The following ATF6 variants were observed in gnomAD, a reference collection of about 807,000 sequenced individuals.
ATF6 encodes cyclic AMP-dependent transcription factor ATF-6 alpha.
ATF6 carries 53 observed loss-of-function variants against 83.6 expected under a neutral mutation model. The observed-to-expected ratio is 0.63, with a 90% CI of 0.51 to 0.80. ATF6 has a LOEUF of 0.80. Ranked by LOEUF, ATF6 falls within the 30% of genes least tolerant of loss-of-function variation. The pLI, the probability that ATF6 is intolerant of heterozygous loss-of-function variation, is 0.00. For missense variants in ATF6, 744 were observed against 797.9 expected, an observed-to-expected ratio of 0.93 and a Z score of 0.81; for synonymous variants, 288 against 285.8, an observed-to-expected ratio of 1.01 and a Z score of -0.08.
chr1:161,826,094 T>C (rs918462798), intron 9 of ATF6, among the ~76,000 whole-genome samples: 1 of 152,200 alleles, frequency 6.6e-6, no homozygotes, highest in African/African-American at 2.4e-5. Context: ...GGCATATTCT[T>C]GAGGGAACAT....
At position 161,819,835 on chromosome 1, in the gene ATF6, C is replaced by T. The variant is rs3817085; in HGVS notation, c.1095+17C>T. On this transcript the variant is annotated intron_variant, in intron 8 of 15. Transcript: ENST00000367942. Reference sequence around the variant, plus strand: ...GTGTCAGAGGTAAGTGTTAGTAATACGGCTGAGTCGAGATGGGCTAAAGTA... The same window carrying T: ...GTGTCAGAGGTAAGTGTTAGTAATATGGCTGAGTCGAGATGGGCTAAAGTA... 66 of 1,587,884 alleles carry T rather than the reference C, an allele frequency of 4.2e-5. No homozygotes were observed. In the Admixed American group the frequency reaches 1.1e-3, roughly 26 times the overall value.
chr1:161,875,616 A>G lies in ATF6; in HGVS notation c.1719+12304A>G, dbSNP rs1477013662. On this transcript the variant is annotated intron_variant, in intron 14 of 15. Coordinates refer to ENST00000367942, the MANE Select transcript of ATF6 (RefSeq NM_007348.4). ...ATTTTATCATTGTCAAAAATATGTC[A>G]GTTTTCCTTGAAGTGGTAGATTCAC... Among the ~76,000 whole-genome samples the G allele has an allele frequency of 3.3e-5, 5 of 151,970 alleles. No homozygotes were observed. The East Asian group carries it at 9.6e-4, about 29-fold the overall frequency.
intron 3 of ATF6, among the ~76,000 whole-genome samples, chr1:161,783,461 A>G (rs1684681101): frequency 6.6e-6 from 1 of 152,114 alleles, no homozygotes; most frequent in Non-Finnish European, 1.5e-5. Flanking sequence ...TTATAGGATA[A>G]ATTAATAGTT....
In ATF6 at chr1:161,839,326, G is replaced by GT. The variant is rs535921639; in HGVS notation, c.1188-7121dup. ...TATAGTAGGGTAAATGGTTTTACAT[G>GT]TTGAAGGGTAGTTGTTGGGACTGTA... On this transcript the variant is annotated intron_variant, in intron 9 of 15. Transcript: ENST00000367942. Among the ~76,000 whole-genome samples the GT allele has an allele frequency of 1.7e-3, 265 of 152,230 alleles. 1 individual carries two copies. Among genetic ancestry groups the GT allele is most frequent in the Non-Finnish European group, 2.8e-3 (193 of 68,016 alleles).
intron 15 of ATF6, among the ~76,000 whole-genome samples, chr1:161,915,917 C>T (rs944827948): frequency 2.0e-5 from 3 of 152,182 alleles, no homozygotes; most frequent in Admixed American, 6.5e-5. Flanking sequence ...GCCACTGCAC[C>T]CAGCCCAAAA....
chr1:161,893,965 A>G (rs1687615074), intron 14 of ATF6, among the ~76,000 whole-genome samples: 1 of 152,154 alleles, frequency 6.6e-6, no homozygotes, highest in African/African-American at 2.4e-5. Flanking sequence ...GATTTCTGGT[A>G]TATGCATTTT....
Position 161,863,167 on chromosome 1 carries a change from T to G in ATF6, c.1605-31T>G, listed in dbSNP as rs572835094. 15 of 1,306,088 alleles carry G rather than the reference T, an allele frequency of 1.1e-5. No individual in the cohort carries two copies. The South Asian group carries it at 1.5e-4, about 13-fold the overall frequency. 80.9% of individuals were successfully genotyped at this position (1,306,088 alleles called of 1,614,324 possible). The stretch of plus-strand genomic sequence containing the variant: ...TTGGGAAAACAGGAAACTTTTTATT[T>G]TAGTAATACCTTATATTTTTCTTAC... On this transcript the variant is annotated intron_variant, in intron 13 of 15. Coordinates refer to ENST00000367942, the MANE Select transcript of ATF6 (RefSeq NM_007348.4).
intron 1 of ATF6, among the ~76,000 whole-genome samples, chr1:161,768,526 G>A (rs1425434774): frequency 6.6e-6 from 1 of 152,162 alleles, no homozygotes; most frequent in Non-Finnish European, 1.5e-5. Flanking sequence ...TGTTTTGGAT[G>A]TTCAAGTACT....
intron 9 of ATF6, among the ~76,000 whole-genome samples, chr1:161,834,725 T>G (rs527520389): frequency 1.3e-5 from 2 of 151,974 alleles, no homozygotes; most frequent in Admixed American, 1.3e-4. Flanking sequence ...TGTATACATA[T>G]GTAACAAACC....
At chr1:161,811,967 C>T (rs139320373) in intron 7 of ATF6, among the ~76,000 whole-genome samples, 2 of 152,110 alleles carry the variant, frequency 1.3e-5, no homozygotes, top group African/African-American at 4.8e-5. Flanking sequence ...TTCTGTCAGT[C>T]GACCAAATAT....
At chr1:161,858,799 T>C (rs983999023) in intron 12 of ATF6, among the ~76,000 whole-genome samples, 1 of 152,186 alleles carries the variant, frequency 6.6e-6, no homozygotes, top group African/African-American at 2.4e-5. Context: ...CTTAGTTAAT[T>C]GGTATAAATC....
intron 14 of ATF6, among the ~76,000 whole-genome samples, chr1:161,895,883 T>C (rs1265748517): frequency 6.6e-6 from 1 of 152,216 alleles, no homozygotes; most frequent in Non-Finnish European, 1.5e-5. Flanking sequence ...ACTTCCTCTG[T>C]CAGCACTTAA....
intron 15 of ATF6, among the ~76,000 whole-genome samples, chr1:161,942,363 G>C (rs769272200): frequency 9.2e-5 from 14 of 152,184 alleles, no homozygotes; most frequent in Non-Finnish European, 2.1e-4. Flanking sequence ...GATTCCTAGG[G>C]CTCTTTTCCT....
chr1:161,892,929 C>T (rs551184126), intron 14 of ATF6, among the ~76,000 whole-genome samples: 37 of 152,144 alleles, frequency 2.4e-4, no homozygotes, highest in Non-Finnish European at 4.1e-4. Flanking sequence ...TGAGCCACCG[C>T]GCCTGGCGGG....
intron 4 of ATF6, 134 bp from the exon 5 acceptor site, chr1:161,791,274 T>C (rs1684874008): frequency 1.7e-6 from 1 of 580,022 alleles, no homozygotes; most frequent in Non-Finnish European, 2.8e-6. Flanking sequence ...AATATATATA[T>C]ACAGTTTCTA....
At chr1:161,769,710 G>A (rs1297100362) in intron 1 of ATF6, among the ~76,000 whole-genome samples, 1 of 152,014 alleles carries the variant, frequency 6.6e-6, no homozygotes, top group African/African-American at 2.4e-5. Context: ...TGGGGGTGAT[G>A]GGAGACAGTG....
At chr1:161,903,415 A>G (rs894417639) in intron 14 of ATF6, among the ~76,000 whole-genome samples, 4 of 152,212 alleles carry the variant, frequency 2.6e-5, no homozygotes, top group African/African-American at 7.2e-5. Flanking sequence ...TTTCATTTCT[A>G]GGCTAAAGAG....
intron 14 of ATF6, among the ~76,000 whole-genome samples, chr1:161,884,990 G>A (rs957659337): frequency 3.3e-5 from 5 of 152,100 alleles, no homozygotes; most frequent in African/African-American, 4.8e-5. Flanking sequence ...ATTTATAAAT[G>A]GAGGTGTCTA....
chr1:161,933,568 T>TA (rs1688477074), intron 15 of ATF6, among the ~76,000 whole-genome samples: 1 of 152,244 alleles, frequency 6.6e-6, no homozygotes, highest in Non-Finnish European at 1.5e-5. Context: ...TGCAAAAGAA[T>TA]ATTTTTTCTC....
Sources: allele counts gnomAD v4.1 joint callset (sites outside exome capture counted in the v4.1 genomes callset), GRCh38; gene constraint gnomAD v4.1.1; transcripts MANE v1.5; gene names NCBI Gene and HGNC (gene_info 2026-07-23, HGNC 2026-07-21).